Variants in PRKN observed in about 807,000 individuals in gnomAD.
PRKN encodes E3 ubiquitin-protein ligase parkin.
Under a neutral mutation model 59.5 loss-of-function variants are expected in PRKN, and 56 were observed. The ratio of observed to expected loss-of-function variants is 0.94; its 90% CI spans 0.76 to 1.18. The LOEUF (loss-of-function observed/expected upper bound fraction) is 1.18, where lower values mean the gene tolerates loss of function less well. PRKN is among the 50% of genes most tolerant of loss of function. The pLI is 0.00. For synonymous variants in PRKN, 250 were observed against 222.1 expected (o/e 1.13, Z -1.12); for missense variants, 657 against 596.4 (o/e 1.10, Z -1.06).
intron 5 of PRKN, among the ~76,000 whole-genome samples, chr6:161,979,801 A>G (rs1324499076): frequency 6.6e-6 from 1 of 152,176 alleles, no homozygotes; most frequent in Non-Finnish European, 1.5e-5. Flanking sequence ...AGGGGAGAAG[A>G]GCAGGAAGAT....
At chr6:161,800,671 T>C (rs1048288009) in intron 6 of PRKN, among the ~76,000 whole-genome samples, 5 of 152,148 alleles carry the variant, frequency 3.3e-5, no homozygotes, top group African/African-American at 7.2e-5. Flanking sequence ...CGTGAGGCTG[T>C]TGGGGGACCA....
chr6:161,707,616 T>C (rs1786558908), intron 7 of PRKN, among the ~76,000 whole-genome samples: 1 of 152,248 alleles, frequency 6.6e-6, no homozygotes, highest in Admixed American at 6.5e-5. Context: ...AAAAAATTCT[T>C]AGTAGTATCA....
At chr6:161,795,359 A>C (rs1790803336) in intron 6 of PRKN, among the ~76,000 whole-genome samples, 1 of 151,118 alleles carries the variant, frequency 6.6e-6, no homozygotes, top group Non-Finnish European at 1.5e-5. Flanking sequence ...CAGCCTCCCA[A>C]GTAGCTGGGA....
chr6:162,132,286 C>T (rs528232193), intron 4 of PRKN, among the ~76,000 whole-genome samples: 1 of 152,162 alleles, frequency 6.6e-6, no homozygotes, highest in South Asian at 2.1e-4. Context: ...TTTAAGAAAC[C>T]CTCATTGTTT....
chr6:162,383,982 A>T (rs1786642151), intron 2 of PRKN, among the ~76,000 whole-genome samples: 1 of 152,310 alleles, frequency 6.6e-6, no homozygotes, highest in South Asian at 2.1e-4. Flanking sequence ...AGCCTTCATG[A>T]TATTAAAAAG....
intron 9 of PRKN, among the ~76,000 whole-genome samples, chr6:161,536,340 A>T (rs1397284104): frequency 6.6e-6 from 1 of 152,022 alleles, no homozygotes; most frequent in Non-Finnish European, 1.5e-5. Flanking sequence ...GGGTCAAGGG[A>T]TTAGCAAGAC....
intron 3 of PRKN, among the ~76,000 whole-genome samples, chr6:162,230,577 T>A (rs1778379070): frequency 6.6e-6 from 1 of 152,216 alleles, no homozygotes; most frequent in African/African-American, 2.4e-5. Flanking sequence ...ATGTGTCCCC[T>A]AGGACTGATC....
At chr6:162,396,834 G>A (rs1316732105) in intron 2 of PRKN, among the ~76,000 whole-genome samples, 1 of 151,896 alleles carries the variant, frequency 6.6e-6, no homozygotes, top group Non-Finnish European at 1.5e-5. Context: ...TCCTTTTTTG[G>A]TAAGAACAAC....
chr6:161,552,793 G>GT lies in PRKN; in HGVS notation c.934-3791dup, dbSNP rs1374141871. Among the ~76,000 whole-genome samples, 373 of 143,150 alleles carry GT rather than the reference G, an allele frequency of 2.6e-3. 2 individuals are homozygous for GT. The highest frequency in any genetic ancestry group is 8.1e-3 in the African/African-American group (318 of 39,186). 93.9% of individuals were successfully genotyped at this position (143,150 alleles called of 152,430 possible). A position where few individuals can be genotyped will look rare whatever the true frequency, so the allele number is the denominator to read the frequency against. On this transcript the variant is annotated intron_variant, in intron 8 of 11. Transcript: ENST00000366898. This position sits in a 1 kb window ranked among gnomAD's most constrained non-coding sequence, Gnocchi z 4.9. The stretch of plus-strand genomic sequence containing the variant: ...ACACCATGGTTTTGTTGTTGTTTTT[G>GT]TTTTTTGTTTTTTTTTTTTAGACGG...
intron 9 of PRKN, among the ~76,000 whole-genome samples, chr6:161,408,076 C>T (rs970892496): frequency 6.6e-6 from 1 of 152,244 alleles, no homozygotes; most frequent in East Asian, 1.9e-4. Context: ...CATGGACAGG[C>T]TTGACAAAAG....
At chr6:162,516,657 G>A (rs1777874059) in intron 1 of PRKN, among the ~76,000 whole-genome samples, 1 of 151,836 alleles carries the variant, frequency 6.6e-6, no homozygotes, top group Non-Finnish European at 1.5e-5. Context: ...AGGCTACTCA[G>A]GAGGTTGTGG....
At chr6:162,611,806 C>T (rs1320707003) in intron 1 of PRKN, among the ~76,000 whole-genome samples, 4 of 152,122 alleles carry the variant, frequency 2.6e-5, no homozygotes, top group South Asian at 2.1e-4. Context: ...ACAAGTGAAG[C>T]GATTAATAAA....
At position 162,056,091 on chromosome 6, in the gene PRKN, TCACACACCC is replaced by T. The variant is rs1777850589; in HGVS notation, c.535-1926_535-1918del. On this transcript the variant is annotated intron_variant, in intron 4 of 11. Coordinates refer to ENST00000366898, the MANE Select transcript of PRKN (RefSeq NM_004562.3). This position sits in a 1 kb window ranked among gnomAD's most constrained non-coding sequence, Gnocchi z 4.9. Reference sequence around the variant, plus strand: ...CACGTGCACACACATCCCACACACCTCACACACCCCACACACATATACCCACATGCATGC... The same window carrying T: ...CACGTGCACACACATCCCACACACCTCACACACATATACCCACATGCATGC... Among the ~76,000 whole-genome samples the T allele has an allele frequency of 7.6e-6, 1 of 131,210 alleles. No individual in the cohort carries two copies. The highest frequency in any genetic ancestry group is 1.6e-5 in the Non-Finnish European group (1 of 61,720). The allele number at this position is 131,210 out of a possible 152,430, so 86.1% of individuals were successfully genotyped here.
intron 4 of PRKN, among the ~76,000 whole-genome samples, chr6:162,147,989 C>T (rs1023090148): frequency 6.6e-6 from 1 of 152,014 alleles, no homozygotes; most frequent in African/African-American, 2.4e-5. Flanking sequence ...AAAAATTACC[C>T]AGAGATGTCC....
intron 2 of PRKN, among the ~76,000 whole-genome samples, chr6:162,373,144 GA>G (rs34485567): frequency 0.27 from 40,303 of 151,926 alleles, 5,563 homozygotes; most frequent in African/African-American, 0.3. Flanking sequence ...AGAATATTTG[GA>G]AAAAAATAAT....
chr6:162,157,759 C>T (rs1170525277), intron 4 of PRKN, among the ~76,000 whole-genome samples: 6 of 152,030 alleles, frequency 3.9e-5, no homozygotes, highest in Admixed American at 1.3e-4. Flanking sequence ...AAAACCAACC[C>T]AAGACACATT....
At chr6:161,699,195 A>T (rs931113940) in intron 7 of PRKN, among the ~76,000 whole-genome samples, 3 of 152,126 alleles carry the variant, frequency 2.0e-5, no homozygotes, top group African/African-American at 7.2e-5. Flanking sequence ...TAAAACCAAA[A>T]TTTAAAACAT....
chr6:161,808,727 T>C (rs1791438403), intron 6 of PRKN, among the ~76,000 whole-genome samples: 1 of 151,992 alleles, frequency 6.6e-6, no homozygotes, highest in African/African-American at 2.4e-5. Flanking sequence ...CTTATCTTGG[T>C]GGGAGGACTT....
chr6:162,230,275 G>A (rs1778367109), intron 3 of PRKN, among the ~76,000 whole-genome samples: 1 of 152,318 alleles, frequency 6.6e-6, no homozygotes, highest in South Asian at 2.1e-4. Context: ...CTATCTGTTG[G>A]CATGAGCCAA....
Sources: allele counts gnomAD v4.1 joint callset (sites outside exome capture counted in the v4.1 genomes callset), GRCh38; gene constraint gnomAD v4.1.1; non-coding constraint Gnocchi (gnomAD v3.1); transcripts MANE v1.5; gene names NCBI Gene and HGNC (gene_info 2026-07-23, HGNC 2026-07-21).